The following PARD3 variants were observed in gnomAD, a reference collection of about 807,000 sequenced individuals.
PARD3 encodes partitioning defective 3 homolog.
A neutral mutation model predicts 155.4 loss-of-function variants in PARD3; 75 were observed. The ratio of observed to expected loss-of-function variants is 0.48; its 90% CI spans 0.40 to 0.58. The LOEUF (loss-of-function observed/expected upper bound fraction) is 0.58. PARD3 is among the 20% of genes least tolerant of loss of function. PARD3 has a pLI of 0.00. For synonymous variants in PARD3, 576 were observed against 610.5 expected, an observed-to-expected ratio of 0.94 and a Z score of 0.83; for missense variants, 1,642 against 1,721.7, an observed-to-expected ratio of 0.95 and a Z score of 0.82.
At chr10:34,453,560 T>G (rs1296026842) in intron 4 of PARD3, among the ~76,000 whole-genome samples, 1 of 152,200 alleles carries the variant, frequency 6.6e-6, no homozygotes, top group Non-Finnish European at 1.5e-5. Flanking sequence ...GATAAGTTGT[T>G]TTAAAAATTG....
intron 12 of PARD3, among the ~76,000 whole-genome samples, chr10:34,361,451 A>G (rs968450390): frequency 6.6e-6 from 1 of 152,252 alleles, no homozygotes; most frequent in East Asian, 1.9e-4. Flanking sequence ...AGAATGTTCA[A>G]TAACACAAAA....
chr10:34,693,083 TAA>T (rs1341363880), intron 2 of PARD3, among the ~76,000 whole-genome samples: 1 of 152,034 alleles, frequency 6.6e-6, no homozygotes, highest in East Asian at 1.9e-4. Flanking sequence ...AGAAAAAAAT[TAA>T]AAGTCAAAAA....
chr10:34,225,953 T>C (rs1400024498), intron 22 of PARD3, among the ~76,000 whole-genome samples: 2 of 152,120 alleles, frequency 1.3e-5, no homozygotes, highest in African/African-American at 2.4e-5. Context: ...AGAAACAAGC[T>C]ACATTGTTGT....
At chr10:34,375,458 T>C (rs1316962856) in intron 10 of PARD3, among the ~76,000 whole-genome samples, 1 of 152,182 alleles carries the variant, frequency 6.6e-6, no homozygotes, top group African/African-American at 2.4e-5. Context: ...GTATTTTCAC[T>C]TTAAATGAAA....
intron 4 of PARD3, among the ~76,000 whole-genome samples, chr10:34,462,121 T>C (rs1266336356): frequency 6.6e-6 from 1 of 152,226 alleles, no homozygotes; most frequent in East Asian, 1.9e-4. Flanking sequence ...AATTTATAGT[T>C]ATAGAGACCT....
chr10:34,603,539 T>A (rs1564402145), intron 2 of PARD3, among the ~76,000 whole-genome samples: 1 of 152,214 alleles, frequency 6.6e-6, no homozygotes, highest in Non-Finnish European at 1.5e-5. Flanking sequence ...ACATTTCATC[T>A]TTTGTTTGGG....
intron 2 of PARD3, among the ~76,000 whole-genome samples, chr10:34,554,230 T>C (rs1278431889): frequency 2.0e-5 from 3 of 152,228 alleles, no homozygotes; most frequent in Admixed American, 2.0e-4. Flanking sequence ...AAATGTTATA[T>C]GCACTCTAAA....
chr10:34,579,554 C>CTGTGTGTGTGTGTGTGTGTG (rs554959827), intron 2 of PARD3, among the ~76,000 whole-genome samples: 8 of 122,468 alleles, frequency 6.5e-5, no homozygotes, highest in African/African-American at 2.0e-4. Flanking sequence ...ACCATTTTCT[C>CTGTGTGTGTGTGTGTGTGTG]TGTGTGTGTG....
intron 14 of PARD3, among the ~76,000 whole-genome samples, chr10:34,350,609 G>T (rs1837951158): frequency 8.1e-6 from 1 of 124,184 alleles, no homozygotes; most frequent in Non-Finnish European, 1.6e-5. Context: ...CTCCAGCCTG[G>T]CTAACAGAGA....
chr10:34,488,267 C>G (rs559665276), intron 3 of PARD3, among the ~76,000 whole-genome samples: 1 of 152,036 alleles, frequency 6.6e-6, no homozygotes, highest in Non-Finnish European at 1.5e-5. Flanking sequence ...TTTATCAGAG[C>G]TGGGCTTTTC....
chr10:34,233,738 A>G (rs1301649113), intron 22 of PARD3, among the ~76,000 whole-genome samples: 1 of 152,008 alleles, frequency 6.6e-6, no homozygotes, highest in Non-Finnish European at 1.5e-5. Flanking sequence ...TCTCTCGTCT[A>G]TTTATTTCTA....
At chr10:34,339,312 G>A (rs921745190) in intron 16 of PARD3, among the ~76,000 whole-genome samples, 4 of 151,642 alleles carry the variant, frequency 2.6e-5, no homozygotes, top group East Asian at 1.9e-4. Flanking sequence ...AGCCAAGATC[G>A]CGCCACTACA....
At chr10:34,646,206 G>C (rs969478793) in intron 2 of PARD3, among the ~76,000 whole-genome samples, 1 of 152,168 alleles carries the variant, frequency 6.6e-6, no homozygotes, top group Non-Finnish European at 1.5e-5. Flanking sequence ...TAGTATAGAT[G>C]AATGACTACA....
intron 7 of PARD3, among the ~76,000 whole-genome samples, chr10:34,396,301 G>T (rs548106990): frequency 6.6e-6 from 1 of 152,116 alleles, no homozygotes; most frequent in Non-Finnish European, 1.5e-5. Flanking sequence ...AGTGAGCCAG[G>T]ATCTCCAGCC....
rs527909691 is a variant in PARD3 at position 34,527,949 on chromosome 10, C to T, written c.223-10790G>A. On this transcript the variant is annotated intron_variant, in intron 2 of 24. Transcript: ENST00000374788. ...CCTAAATTATCTTCAGTATGCAATA[C>T]AATACTGATTAAATTAGGCTCATTT... Among the ~76,000 whole-genome samples, 5 of 152,280 alleles carry T rather than the reference C, an allele frequency of 3.3e-5. No individual in the cohort carries two copies. The East Asian group carries it at 5.8e-4, about 18-fold the overall frequency.
intron 22 of PARD3, among the ~76,000 whole-genome samples, chr10:34,221,941 C>T (rs542001351): frequency 1.8e-4 from 27 of 152,262 alleles, no homozygotes; most frequent in African/African-American, 6.3e-4. Context: ...CTTACATTTG[C>T]TTTAAAACTG....
At chr10:34,704,043 A>C (rs971169082) in intron 1 of PARD3, among the ~76,000 whole-genome samples, 2 of 152,234 alleles carry the variant, frequency 1.3e-5, no homozygotes, top group Admixed American at 6.5e-5. Flanking sequence ...CACAGAAGAC[A>C]GCTCCCGGGA....
chr10:34,779,337 C>T (rs151304425), intron 1 of PARD3, among the ~76,000 whole-genome samples: 2,495 of 149,680 alleles, frequency 0.017, 74 homozygotes, highest in African/African-American at 0.057. Context: ...CAGCCGGGCG[C>T]GGTGGCTCAC....
intron 2 of PARD3, among the ~76,000 whole-genome samples, chr10:34,665,360 A>G (rs2093424839): frequency 8.4e-6 from 1 of 119,202 alleles, no homozygotes; most frequent in South Asian, 2.7e-4. Context: ...GAAAAAAACA[A>G]ACAAAAAAAA....
Sources: allele counts gnomAD v4.1 joint callset (sites outside exome capture counted in the v4.1 genomes callset), GRCh38; gene constraint gnomAD v4.1.1; transcripts MANE v1.5; gene names NCBI Gene and HGNC (gene_info 2026-07-23, HGNC 2026-07-21).